The following KBTBD12 variants were observed in gnomAD, a reference collection of about 807,000 sequenced individuals.
KBTBD12 encodes kelch repeat and BTB domain-containing protein 12.
KBTBD12 carries 53 observed loss-of-function variants against 58.7 expected under a neutral mutation model. The ratio of observed to expected loss-of-function variants is 0.90; its 90% CI spans 0.72 to 1.14. KBTBD12 has a LOEUF of 1.14. Among genes scored for constraint, KBTBD12 ranks in the 50% most tolerant of loss-of-function variants. The pLI is 0.00. For missense variants in KBTBD12, 704 were observed against 751.3 expected (o/e 0.94, Z 0.74); for synonymous variants, 236 against 259.8 (o/e 0.91, Z 0.88).
chr3:127,935,371 A>T, intron 4 of KBTBD12, among the ~76,000 whole-genome samples: 1 of 152,180 alleles, frequency 6.6e-6, no homozygotes, highest in East Asian at 1.9e-4. Flanking sequence ...TTTGTAATGA[A>T]ATCAACTCAG....
At chr3:127,918,483 C>A (rs1234420290) in intron 1 of KBTBD12, among the ~76,000 whole-genome samples, 1 of 152,074 alleles carries the variant, frequency 6.6e-6, no homozygotes, top group Non-Finnish European at 1.5e-5. Context: ...GAGGCCGAGG[C>A]GGGCAGATCA....
chr3:127,954,898 T>G (rs112488138), intron 4 of KBTBD12, among the ~76,000 whole-genome samples: 19 of 152,322 alleles, frequency 1.2e-4, no homozygotes, highest in African/African-American at 3.4e-4. Context: ...AAATCCCATC[T>G]CCTTGTAGTG....
chr3:127,976,544 C>G (rs1940786471), intron 5 of KBTBD12, among the ~76,000 whole-genome samples: 1 of 152,192 alleles, frequency 6.6e-6, no homozygotes. Context: ...CTCAGGACAT[C>G]ACATCTGGAG....
Position 127,930,282 on chromosome 3 carries a change from G to C in KBTBD12, c.1491G>C (p.Leu497Phe). 6.2e-7 allele frequency: 1 copy of C among 1,610,516 alleles called. No homozygotes were observed. Among genetic ancestry groups the C allele is most frequent in the Non-Finnish European group, 8.5e-7 (1 of 1,178,270 alleles). The change falls in exon 4 of 6, where the codon TTG (leucine) becomes TTC (phenylalanine). Residue 497 changes from leucine (L) to phenylalanine (F), a missense_variant and splice_region_variant. By Grantham distance (22) the Leu-to-Phe change is conservative (BLOSUM62 0). Coordinates refer to ENST00000405109, the MANE Select transcript of KBTBD12 (RefSeq NM_207335.4). ...TAGTCAACAGTGAGATTTATGTTTTGGGTAAGAAGAAGCAGATTGCTAACA... is the reference window on the plus strand; with the variant it reads ...TAGTCAACAGTGAGATTTATGTTTTCGGTAAGAAGAAGCAGATTGCTAACA... ...TAVVNSEIYV[L>F]GGIGCVGQDK... is the part of the protein sequence containing the mutation.
chr3:127,982,352 C>T (rs991423368), intron 5 of KBTBD12, among the ~76,000 whole-genome samples: 1 of 152,154 alleles, frequency 6.6e-6, no homozygotes, highest in Non-Finnish European at 1.5e-5. Context: ...GCACACGAGC[C>T]AGCCCAGAGC....
chr3:127,929,383 C>G (rs1002849532), intron 3 of KBTBD12, among the ~76,000 whole-genome samples: 1 of 151,988 alleles, frequency 6.6e-6, no homozygotes, highest in African/African-American at 2.4e-5. Flanking sequence ...ACACTTGTAT[C>G]CCAAAAAAAT....
chr3:127,970,693 A>G (rs1428886034), intron 5 of KBTBD12, among the ~76,000 whole-genome samples: 3 of 152,258 alleles, frequency 2.0e-5, no homozygotes, highest in African/African-American at 7.2e-5. Context: ...ACAAAAGACC[A>G]CATATCACAT....
At chr3:127,919,667 T>C (rs1337691943) in intron 1 of KBTBD12, among the ~76,000 whole-genome samples, 2 of 152,196 alleles carry the variant, frequency 1.3e-5, no homozygotes, top group Non-Finnish European at 1.5e-5. Context: ...GCAGTCTTCA[T>C]TCAGACTAGA....
chr3:127,982,888 AG>A (rs1379755449), intron 5 of KBTBD12, among the ~76,000 whole-genome samples: 1 of 152,216 alleles, frequency 6.6e-6, no homozygotes, highest in Non-Finnish European at 1.5e-5. Flanking sequence ...AGCGTTCTAA[AG>A]GTCCCTTGAC....
chr3:127,925,855 T>C (rs991449411), intron 2 of KBTBD12, among the ~76,000 whole-genome samples: 1 of 152,216 alleles, frequency 6.6e-6, no homozygotes, highest in Non-Finnish European at 1.5e-5. Context: ...TTTTGTGATA[T>C]GCATAAGAAA....
At chr3:127,977,422 C>T (rs574464452) in intron 5 of KBTBD12, among the ~76,000 whole-genome samples, 1 of 152,366 alleles carries the variant, frequency 6.6e-6, no homozygotes, top group South Asian at 2.1e-4. Context: ...CTGCTTTCCA[C>T]AATGGCTGAA....
In KBTBD12 at chr3:127,923,041, G is replaced by T; in HGVS notation, c.-21G>T. On this transcript the variant is annotated 5_prime_UTR_variant, in exon 2 of 6. Coordinates refer to ENST00000405109, the MANE Select transcript of KBTBD12 (RefSeq NM_207335.4). Reference sequence around the variant, plus strand: ...AGCTACACTTAAAGAAGACTTAGTTGGAAACTTTGGAGAGTAGATCATGGA... The same window carrying T: ...AGCTACACTTAAAGAAGACTTAGTTTGAAACTTTGGAGAGTAGATCATGGA... The T allele has an allele frequency of 6.9e-7, 1 of 1,448,974 alleles. No homozygotes were observed. The highest frequency in any genetic ancestry group is 1.2e-5 in the South Asian group (1 of 83,000). 89.8% of individuals were successfully genotyped at this position (1,448,974 alleles called of 1,614,324 possible).
chr3:127,948,394 T>G (rs1940134460), intron 4 of KBTBD12, among the ~76,000 whole-genome samples: 1 of 152,242 alleles, frequency 6.6e-6, no homozygotes, highest in African/African-American at 2.4e-5. Context: ...CCCCGTACTC[T>G]CTGGTACTCT....
At chr3:127,916,301 A>G (rs911436149) in intron 1 of KBTBD12, among the ~76,000 whole-genome samples, 1 of 152,168 alleles carries the variant, frequency 6.6e-6, no homozygotes, top group Non-Finnish European at 1.5e-5. Flanking sequence ...CACAGAGTAC[A>G]TTTAGGGTGG....
chr3:127,962,872 G>A (rs1940474274), intron 4 of KBTBD12, among the ~76,000 whole-genome samples: 2 of 152,180 alleles, frequency 1.3e-5, no homozygotes, highest in Admixed American at 6.5e-5. Context: ...AGTCAACCCT[G>A]AAATTCTTAT....
intron 4 of KBTBD12, among the ~76,000 whole-genome samples, chr3:127,936,053 C>T (rs1007956332): frequency 2.1e-4 from 32 of 151,846 alleles, no homozygotes; most frequent in Admixed American, 8.5e-4. Context: ...AAAAGAGAGA[C>T]CTAAAATACA....
chr3:127,940,722 CA>C (rs1939931980), intron 4 of KBTBD12, among the ~76,000 whole-genome samples: 1 of 151,292 alleles, frequency 6.6e-6, no homozygotes, highest in African/African-American at 2.4e-5. Context: ...GAGCAGAAAA[CA>C]GGGAAATTAG....
At chr3:127,947,672 G>T (rs1319853924) in intron 4 of KBTBD12, among the ~76,000 whole-genome samples, 1 of 152,164 alleles carries the variant, frequency 6.6e-6, no homozygotes, top group Non-Finnish European at 1.5e-5. Flanking sequence ...TGCTTTTGAG[G>T]AGAAAGTTGG....
intron 4 of KBTBD12, among the ~76,000 whole-genome samples, chr3:127,931,101 C>T (rs754317293): frequency 7.9e-5 from 12 of 151,850 alleles, no homozygotes; most frequent in Non-Finnish European, 1.6e-4. Context: ...TGATGGCTAA[C>T]AGGAAAAACA....
Sources: allele counts gnomAD v4.1 joint callset (sites outside exome capture counted in the v4.1 genomes callset), GRCh38; gene constraint gnomAD v4.1.1; transcripts MANE v1.5; gene names NCBI Gene and HGNC (gene_info 2026-07-23, HGNC 2026-07-21).